The following GJD2 variants were observed in gnomAD, a reference collection of about 807,000 sequenced individuals.
GJD2 encodes the protein gap junction delta-2 protein.
Under a neutral mutation model 24.3 loss-of-function variants are expected in GJD2, and 12 were observed. That is an observed-to-expected ratio of 0.49 (90% CI 0.32 to 0.80). GJD2 has a LOEUF of 0.80. Ranked by LOEUF, GJD2 falls within the 30% of genes least tolerant of loss-of-function variation. GJD2 has a pLI of 0.04. For missense variants in GJD2, 268 were observed against 402.4 expected, an observed-to-expected ratio of 0.67 and a Z score of 2.86; for synonymous variants, 171 against 155.2, an observed-to-expected ratio of 1.10 and a Z score of -0.76.
At position 34,752,237 on chromosome 15, in the gene GJD2, G is replaced by A; in HGVS notation, c.*241C>T. ...AGGCCATAAACAGAAAGGGACCAAA[G>A]AAGTCTAATTGATCCATTTCATCAC... On this transcript the variant is annotated 3_prime_UTR_variant, in exon 2 of 2. Transcript: ENST00000290374. 7.4e-6 allele frequency: 4 copies of A among 540,990 alleles called. No individual in the cohort carries two copies. In the South Asian group the frequency reaches 9.6e-5, roughly 13 times the overall value. The allele number at this position is 540,990 out of a possible 1,614,324, so 33.5% of individuals were successfully genotyped here. A position where few individuals can be genotyped will look rare whatever the true frequency, so the allele number is the denominator to read the frequency against.
rs971632287 is a variant in GJD2, at chr15:34,751,466, T to C, written c.*1012A>G. 3.3e-5 allele frequency: 5 copies of C among 152,180 alleles called. No homozygotes were observed. The highest frequency in any genetic ancestry group is 1.2e-4 in the African/African-American group (5 of 41,438). The allele number at this position is 152,180 out of a possible 1,614,324, so 9.4% of individuals were successfully genotyped here. A position where few individuals can be genotyped will look rare whatever the true frequency, so the allele number is the denominator to read the frequency against. On this transcript the variant is annotated 3_prime_UTR_variant, in exon 2 of 2. Transcript: ENST00000290374. ...CATGGGATGATTAAGGTCTCTGGTG[T>C]AAGCACACAGGTAAATTCAAATCAT...
At chr15:34,753,401 G>T in intron 1 of GJD2, 29 bp from the exon 2 acceptor site, 1 of 1,549,166 alleles carries the variant, frequency 6.5e-7, no homozygotes, top group Non-Finnish European at 8.7e-7. Context: ...AGGGAGAGAG[G>T]TTCTCACGGG....
chr15:34,751,650 A>G lies in GJD2; in HGVS notation c.*828T>C, dbSNP rs913525311. On this transcript the variant is annotated 3_prime_UTR_variant, in exon 2 of 2. Transcript: ENST00000290374. Reference sequence around the variant, plus strand: ...AAAGTCCACAAGCTGGAAGGCAGAAATATCCTGAAGCTCGTAACCGTGTGC... The same window carrying G: ...AAAGTCCACAAGCTGGAAGGCAGAAGTATCCTGAAGCTCGTAACCGTGTGC... 3 of 152,182 alleles carry G rather than the reference A, an allele frequency of 2.0e-5. No individual in the cohort carries two copies. Among genetic ancestry groups the G allele is most frequent in the African/African-American group, 7.2e-5 (3 of 41,424 alleles). 9.4% of individuals were successfully genotyped at this position (152,182 alleles called of 1,614,324 possible).
In GJD2 at chr15:34,752,769, G is replaced by T. The variant is rs766954486; in HGVS notation, c.675C>A (p.Val225=). The T allele has an allele frequency of 6.2e-7, 1 of 1,613,996 alleles. No individual in the cohort carries two copies. The highest frequency in any genetic ancestry group is 8.5e-7 in the Non-Finnish European group (1 of 1,180,016). ...VGQYFLYGFS[V]PGLYECNRYP... is the part of the protein sequence containing the mutation. ...AGCGGTTACACTCATACAACCCTGGGACACTAAAGCCATAGAGAAAATATT... is the reference window on the plus strand; with the variant it reads ...AGCGGTTACACTCATACAACCCTGGTACACTAAAGCCATAGAGAAAATATT... The change falls in exon 2 of 2, where the codon GTC becomes GTA. Residue 225 remains valine (V), a synonymous_variant. Coordinates refer to ENST00000290374, the MANE Select transcript of GJD2 (RefSeq NM_020660.3).
chr15:34,754,307 G>C lies in GJD2; in HGVS notation c.71+111C>G. 3 of 768,522 alleles carry C rather than the reference G, an allele frequency of 3.9e-6. No individual in the cohort carries two copies. The South Asian group carries it at 4.4e-5, about 11-fold the overall frequency. 47.6% of individuals were successfully genotyped at this position (768,522 alleles called of 1,614,324 possible). ...GAGCCTTGACCTAGGACGATGGGGA[G>C]GAGGCAGAGGACGGACTGGGGATTG... On this transcript the variant is annotated intron_variant, in intron 1 of 1. Coordinates refer to ENST00000290374, the MANE Select transcript of GJD2 (RefSeq NM_020660.3). This position sits in a 1 kb window ranked among gnomAD's most constrained non-coding sequence, Gnocchi z 5.9.
Position 34,751,516 on chromosome 15 carries a change from T to G in GJD2, c.*962A>C, listed in dbSNP as rs185998923. ...TGGCAAAATGACCGTGCAGCTGTGTTGCACAACAAAACTATGTAAGAAAAT... is the reference window on the plus strand; with the variant it reads ...TGGCAAAATGACCGTGCAGCTGTGTGGCACAACAAAACTATGTAAGAAAAT... On this transcript the variant is annotated 3_prime_UTR_variant, in exon 2 of 2. Coordinates refer to ENST00000290374, the MANE Select transcript of GJD2 (RefSeq NM_020660.3). 27 of 152,322 alleles carry G rather than the reference T, an allele frequency of 1.8e-4. No homozygotes were observed. The highest frequency in any genetic ancestry group is 4.6e-4 in the Admixed American group (7 of 15,300). The allele number at this position is 152,322 out of a possible 1,614,324, so 9.4% of individuals were successfully genotyped here.
rs750180131 is a variant in GJD2, at chr15:34,752,962, C to T, written c.482G>A (p.Ser161Asn). 1.1e-5 allele frequency: 18 copies of T among 1,614,176 alleles called. No homozygotes were observed. Among genetic ancestry groups the T allele is most frequent in the East Asian group, 8.9e-5 (4 of 44,874 alleles). Residue 161 changes from serine (S) to asparagine (N), a missense_variant, in exon 2 of 2, where the codon AGT (serine) becomes AAT (asparagine). By Grantham distance (46) the Ser-to-Asn change is conservative. Transcript: ENST00000290374. Reference sequence around the variant, plus strand: ...TAAACAATCTGGCTCTGTCTCCTTACTGGTGTTCTCTGTGTTCTGCAGCAC... The same window carrying T: ...TAAACAATCTGGCTCTGTCTCCTTATTGGTGTTCTCTGTGTTCTGCAGCAC... Reference protein sequence around the residue: ...NGVLQNTENTSKETEPDCLEV... With the variant: ...NGVLQNTENTNKETEPDCLEV...
rs1373760264 is a variant in GJD2, at chr15:34,754,042, C to T, written c.71+376G>A. Among the ~76,000 whole-genome samples the T allele has an allele frequency of 6.6e-6, 1 of 152,106 alleles. No individual in the cohort carries two copies. The highest frequency in any genetic ancestry group is 2.4e-5 in the African/African-American group (1 of 41,418). On this transcript the variant is annotated intron_variant, in intron 1 of 1. Coordinates refer to ENST00000290374, the MANE Select transcript of GJD2 (RefSeq NM_020660.3). The surrounding 1 kb of genome is among the most constrained non-coding windows in gnomAD (Gnocchi z 5.9). ...GAGCAAATCCATCTCCCCATTTGCC[C>T]TTTTCTGTCCAAATGCAATCCTGCC...
rs1891160025 is a variant in GJD2, at chr15:34,754,770, G to A, written c.-282C>T. The A allele has an allele frequency of 5.7e-6, 2 of 349,020 alleles. No homozygotes were observed. The highest frequency in any genetic ancestry group is 5.2e-6 in the Non-Finnish European group (1 of 190,516). The allele number at this position is 349,020 out of a possible 1,614,324, so 21.6% of individuals were successfully genotyped here. A position where few individuals can be genotyped will look rare whatever the true frequency, so the allele number is the denominator to read the frequency against. The stretch of plus-strand genomic sequence containing the variant: ...CGTCCGGGGTTCGGGTCTGGATCCC[G>A]CGGACGCCGGGACGAGGGGCGGGGC... On this transcript the variant is annotated 5_prime_UTR_variant, in exon 1 of 2. Coordinates refer to ENST00000290374, the MANE Select transcript of GJD2 (RefSeq NM_020660.3). The surrounding 1 kb of genome is among the most constrained non-coding windows in gnomAD (Gnocchi z 5.9).
intron 1 of GJD2, among the ~76,000 whole-genome samples, chr15:34,753,975 G>A (rs1246198344): frequency 6.6e-6 from 1 of 151,906 alleles, no homozygotes; most frequent in Non-Finnish European, 1.5e-5. Context: ...AATAAGTTTG[G>A]TTTAGTAATT....
intron 1 of GJD2, among the ~76,000 whole-genome samples, chr15:34,753,871 T>TAC (rs1458832655): frequency 1.3e-5 from 2 of 151,740 alleles, no homozygotes; most frequent in East Asian, 1.9e-4. Flanking sequence ...ATTGAACTCA[T>TAC]ATATATATAA....
chr15:34,752,607 C>A lies in GJD2; in HGVS notation c.837G>T (p.Lys279Asn), dbSNP rs1358367801. ...LAELNHLGWR[K>N]IKLAVRGAQA... Reference sequence around the variant, plus strand: ...GAGCCCCTCGCACAGCCAGCTTGATCTTGCGCCATCCCAGGTGGTTGAGTT... The same window carrying A: ...GAGCCCCTCGCACAGCCAGCTTGATATTGCGCCATCCCAGGTGGTTGAGTT... The change falls in exon 2 of 2, where the codon AAG (lysine) becomes AAT (asparagine). Residue 279 changes from lysine (K) to asparagine (N), a missense_variant. Physicochemically the swap from Lys to Asn is moderately conservative, Grantham distance 94 (BLOSUM62 0). This residue lies in a region of GJD2 where 115 missense variants were observed against 195.2 expected (regional missense o/e 0.59). Transcript: ENST00000290374. 6.2e-7 allele frequency: 1 copy of A among 1,614,238 alleles called. No homozygotes were observed. The highest frequency in any genetic ancestry group is 1.7e-5 in the Admixed American group (1 of 60,032).
Position 34,752,937 on chromosome 15 carries a change from T to C in GJD2, c.507A>G (p.Leu169=). 1 of 1,614,174 alleles carries C rather than the reference T, an allele frequency of 6.2e-7. No individual in the cohort carries two copies. The highest frequency in any genetic ancestry group is 8.5e-7 in the Non-Finnish European group (1 of 1,180,028). ...GGTGTGGAGTCAGCTCCTTAACCTCTAAACAATCTGGCTCTGTCTCCTTAC... is the reference window on the plus strand; with the variant it reads ...GGTGTGGAGTCAGCTCCTTAACCTCCAAACAATCTGGCTCTGTCTCCTTAC... ...NTSKETEPDC[L]EVKELTPHPS... Residue 169 remains leucine, a synonymous_variant, in exon 2 of 2, where the codon TTA becomes TTG. Coordinates refer to ENST00000290374, the MANE Select transcript of GJD2 (RefSeq NM_020660.3).
Position 34,752,134 on chromosome 15 carries a change from A to G in GJD2, c.*344T>C, listed in dbSNP as rs1891113024. On this transcript the variant is annotated 3_prime_UTR_variant, in exon 2 of 2. Coordinates refer to ENST00000290374, the MANE Select transcript of GJD2 (RefSeq NM_020660.3). ...ATCAATGAAGTACTCAACTCACACC[A>G]TTCACCAGAATAAAGAGCTCAGCAG... is the stretch of plus-strand genomic sequence containing the variant. The G allele has an allele frequency of 1.4e-5, 4 of 287,988 alleles. No individual in the cohort carries two copies. The highest frequency in any genetic ancestry group is 6.6e-6 in the Non-Finnish European group (1 of 152,214). The allele number at this position is 287,988 out of a possible 1,614,324, so 17.8% of individuals were successfully genotyped here.
In GJD2 at chr15:34,752,611, C is replaced by T. The variant is rs376923298; in HGVS notation, c.833G>A (p.Arg278His). 36 of 1,614,080 alleles carry T rather than the reference C, an allele frequency of 2.2e-5. No homozygotes were observed. Among genetic ancestry groups the T allele is most frequent in the Middle Eastern group, 1.6e-4 (1 of 6,084 alleles). ...CCCTCGCACAGCCAGCTTGATCTTG[C>T]GCCATCCCAGGTGGTTGAGTTCAGC... ...NLAELNHLGW[R>H]KIKLAVRGAQ... The change falls in exon 2 of 2, where the codon CGC (arginine) becomes CAC (histidine). Residue 278 changes from arginine (R) to histidine (H), a missense_variant. This residue lies in a region of GJD2 where 115 missense variants were observed against 195.2 expected (regional missense o/e 0.59). Coordinates refer to ENST00000290374, the MANE Select transcript of GJD2 (RefSeq NM_020660.3).
intron 1 of GJD2, among the ~76,000 whole-genome samples, chr15:34,753,868 T>TCA (rs1199194233): frequency 2.3e-5 from 1 of 44,434 alleles, no homozygotes; most frequent in Admixed American, 2.9e-4. Context: ...TATATTGAAC[T>TCA]CATATATATA....
rs1055350284 is a variant in GJD2 at position 34,754,305 on chromosome 15, G to A, written c.71+113C>T. On this transcript the variant is annotated intron_variant, in intron 1 of 1. Transcript: ENST00000290374. The surrounding 1 kb of genome is among the most constrained non-coding windows in gnomAD (Gnocchi z 5.9). ...CGGAGCCTTGACCTAGGACGATGGG[G>A]AGGAGGCAGAGGACGGACTGGGGAT... 2 of 760,940 alleles carry A rather than the reference G, an allele frequency of 2.6e-6. No homozygotes were observed. The highest frequency in any genetic ancestry group is 4.1e-5 in the Admixed American group (2 of 49,270). The allele number at this position is 760,940 out of a possible 1,614,324, so 47.1% of individuals were successfully genotyped here. A position where few individuals can be genotyped will look rare whatever the true frequency, so the allele number is the denominator to read the frequency against.
rs957839460 is a variant in GJD2 at position 34,751,050 on chromosome 15, G to A, written c.*1428C>T. ...CTTCCCATTTTACAAAAAAAGGCAA[G>A]AACTTTATTTTAAACAAATCCTTAG... On this transcript the variant is annotated 3_prime_UTR_variant, in exon 2 of 2. Coordinates refer to ENST00000290374, the MANE Select transcript of GJD2 (RefSeq NM_020660.3). 1 of 152,108 alleles carries A rather than the reference G, an allele frequency of 6.6e-6. No individual in the cohort carries two copies. The highest frequency in any genetic ancestry group is 1.5e-5 in the Non-Finnish European group (1 of 68,016). 9.4% of individuals were successfully genotyped at this position (152,108 alleles called of 1,614,324 possible).
rs1331682240 is a variant in GJD2 at position 34,754,749 on chromosome 15, C to A, written c.-261G>T. ...GAGGGCACGAACCTCGGGCGCCGTC[C>A]GGGGTTCGGGTCTGGATCCCGCGGA... On this transcript the variant is annotated 5_prime_UTR_variant, in exon 1 of 2. Transcript: ENST00000290374. The surrounding 1 kb of genome is among the most constrained non-coding windows in gnomAD (Gnocchi z 5.9). 2 of 380,450 alleles carry A rather than the reference C, an allele frequency of 5.3e-6. No homozygotes were observed. Among genetic ancestry groups the A allele is most frequent in the African/African-American group, 2.1e-5 (1 of 47,662 alleles). The allele number at this position is 380,450 out of a possible 1,614,324, so 23.6% of individuals were successfully genotyped here. A position where few individuals can be genotyped will look rare whatever the true frequency, so the allele number is the denominator to read the frequency against.
Sources: gnomAD v4.1 joint callset for allele counts (sites outside exome capture counted in the v4.1 genomes callset) on GRCh38, gnomAD v4.1.1 for gene constraint, gnomAD v4.1.1 regional missense constraint, Gnocchi (gnomAD v3.1) non-coding constraint, MANE v1.5 for transcripts, NCBI Gene and HGNC (gene_info 2026-07-23, HGNC 2026-07-21) for gene names.